ZDBF2: variants seen among roughly 807,000 people sequenced by gnomAD.
ZDBF2 encodes DBF4-type zinc finger-containing protein 2.
ZDBF2 carries 6 observed loss-of-function variants against 9.4 expected under a neutral mutation model. The ratio of observed to expected loss-of-function variants is 0.64; its 90% confidence interval spans 0.35 to 1.27. The LOEUF (loss-of-function observed/expected upper bound fraction) is 1.27. Ranked by LOEUF, ZDBF2 falls within the 50% of genes most tolerant of loss-of-function variation. ZDBF2 has a pLI of 0.03. For missense variants in ZDBF2, 2,697 were observed against 2,766.8 expected, an observed-to-expected ratio of 0.97 and a Z score of 0.57; for synonymous variants, 905 against 946.3, an observed-to-expected ratio of 0.96 and a Z score of 0.80.
intron 1 of ZDBF2, among the ~76,000 whole-genome samples, chr2:206,276,875 C>A (rs938980866): frequency 1.3e-5 from 2 of 152,126 alleles, no homozygotes; most frequent in Non-Finnish European, 2.9e-5. Flanking sequence ...TAATGCTTGT[C>A]ACCAGAGGAA....
At position 206,310,062 on chromosome 2, in the gene ZDBF2, C is replaced by A. The variant is rs1693072495; in HGVS notation, c.5534C>A (p.Ala1845Asp). The A allele has an allele frequency of 6.2e-7, 1 of 1,613,650 alleles. No homozygotes were observed. Among genetic ancestry groups the A allele is most frequent in the South Asian group, 1.1e-5 (1 of 91,022 alleles). Residue 1845 changes from alanine to aspartate, a missense_variant, in exon 5 of 5, where the codon GCT becomes GAT. Physicochemically the swap from Ala to Asp is moderately radical, Grantham distance 126. Coordinates refer to ENST00000374423, the MANE Select transcript of ZDBF2 (RefSeq NM_020923.3). ...AGAGAAGATGACATAAAAATTAATG[C>A]TCTGGTGAAGGAGTTTAGGGAAGGT... is the stretch of plus-strand genomic sequence containing the variant. ...IMREDDIKIN[A>D]LVKEFREGRF...
Position 206,304,765 on chromosome 2 carries a change from G to A in ZDBF2, c.237G>A (p.Val79=), listed in dbSNP as rs766814620. The A allele has an allele frequency of 1.4e-5, 22 of 1,613,372 alleles. No homozygotes were observed. The highest frequency in any genetic ancestry group is 1.7e-4 in the Middle Eastern group (1 of 6,036). Reference sequence around the variant, plus strand: ...TGAATACTGGGTCATCGTCTGAAGTGGTGCATTTGGATGATGCTTTTTCTG... The same window carrying A: ...TGAATACTGGGTCATCGTCTGAAGTAGTGCATTTGGATGATGCTTTTTCTG... ...THVNTGSSSE[V]VHLDDAFSEE... The change falls in exon 5 of 5, where the codon GTG becomes GTA. Residue 79 remains valine (V), a synonymous_variant. Transcript: ENST00000374423.
In ZDBF2 at chr2:206,306,635, C is replaced by T. The variant is rs184921981; in HGVS notation, c.2107C>T (p.Arg703Cys). 5.7e-5 allele frequency: 92 copies of T among 1,613,672 alleles called. No homozygotes were observed. Among genetic ancestry groups the T allele is most frequent in the East Asian group, 4.2e-4 (19 of 44,886 alleles). The change falls in exon 5 of 5, where the codon CGT becomes TGT. Residue 703 changes from arginine (R) to cysteine (C), a missense_variant. By Grantham distance (180) the Arg-to-Cys change is radical (BLOSUM62 -3). Around this residue, in one of 3 missense-constraint regions of ZDBF2, gnomAD observed 910 missense variants for 973.6 expected, o/e 0.93. Coordinates refer to ENST00000374423, the MANE Select transcript of ZDBF2 (RefSeq NM_020923.3). Reference protein sequence around the residue: ...DLENKSVQSSRSSLSSDSPAS... With the variant: ...DLENKSVQSSCSSLSSDSPAS... ...TGAGAATAAGAGTGTTCAGTCTAGC[C>T]GTTCTTCTCTGAGTTCTGATTCTCC...
chr2:206,286,973 T>A (rs1319365813), intron 3 of ZDBF2, among the ~76,000 whole-genome samples: 3 of 152,162 alleles, frequency 2.0e-5, no homozygotes, highest in Non-Finnish European at 4.4e-5. Context: ...TGGTGTTAGG[T>A]CTGACATGGC....
intron 1 of ZDBF2, among the ~76,000 whole-genome samples, chr2:206,278,485 C>A (rs1691143998): frequency 6.6e-6 from 1 of 152,146 alleles, no homozygotes; most frequent in Non-Finnish European, 1.5e-5. Context: ...TCCAAAAAAA[C>A]TTCCACAGTG....
chr2:206,281,478 A>G (rs1691314857), intron 2 of ZDBF2, among the ~76,000 whole-genome samples: 2 of 152,214 alleles, frequency 1.3e-5, no homozygotes, highest in Admixed American at 6.5e-5. Flanking sequence ...TACCATAACA[A>G]TATCTTAGAA....
Position 206,311,428 on chromosome 2 carries a change from C to T in ZDBF2, c.6900C>T (p.Arg2300=), listed in dbSNP as rs1450967326. 10 of 1,610,866 alleles carry T rather than the reference C, an allele frequency of 6.2e-6. No homozygotes were observed. The highest frequency in any genetic ancestry group is 4.0e-5 in the African/African-American group (3 of 74,750). Residue 2300 remains arginine, a synonymous_variant, in exon 5 of 5, where the codon CGC becomes CGT. Transcript: ENST00000374423. ...PPKRPVRASC[R]VARRRKKTDE... ...AGCGACCTGTGCGGGCTTCTTGCCG[C>T]GTTGCAAGAAGGAGGAAGAAGACTG...
At chr2:206,298,714 C>T (rs1209371918) in intron 4 of ZDBF2, among the ~76,000 whole-genome samples, 2 of 151,614 alleles carry the variant, frequency 1.3e-5, no homozygotes, top group Non-Finnish European at 2.9e-5. Flanking sequence ...TTAGTAGAGA[C>T]TGGGTTTTGC....
intron 3 of ZDBF2, among the ~76,000 whole-genome samples, chr2:206,295,550 T>A (rs1469996259): frequency 6.6e-6 from 1 of 151,892 alleles, no homozygotes; most frequent in African/African-American, 2.4e-5. Flanking sequence ...TTTTTTTATT[T>A]TTTAGTAGAG....
chr2:206,297,177 C>T, intron 3 of ZDBF2, 69 bp from the exon 4 acceptor site: 2 of 616,090 alleles, frequency 3.2e-6, no homozygotes, highest in South Asian at 2.2e-5. Flanking sequence ...AGAAATGAAT[C>T]CATTTTGTCG....
At chr2:206,299,965 C>T (rs141866281) in intron 4 of ZDBF2, among the ~76,000 whole-genome samples, 2,595 of 152,076 alleles carry the variant, frequency 0.017, 53 homozygotes, top group African/African-American at 0.043. Flanking sequence ...AAAAATTAGC[C>T]GGGCATGGTG....
chr2:206,302,906 T>C (rs1163420067), intron 4 of ZDBF2, among the ~76,000 whole-genome samples: 1 of 152,130 alleles, frequency 6.6e-6, no homozygotes, highest in East Asian at 1.9e-4. Flanking sequence ...TATTTTTAAT[T>C]GTTATAGGCT....
chr2:206,283,951 C>G (rs2105903755), intron 3 of ZDBF2, among the ~76,000 whole-genome samples: 1 of 152,302 alleles, frequency 6.6e-6, no homozygotes, highest in East Asian at 1.9e-4. Context: ...GTGTGAGCCA[C>G]CACAACTGGC....
At chr2:206,280,473 A>G (rs1436360212) in intron 2 of ZDBF2, among the ~76,000 whole-genome samples, 2 of 152,220 alleles carry the variant, frequency 1.3e-5, no homozygotes, top group African/African-American at 4.8e-5. Flanking sequence ...TTTAAGCTCT[A>G]GGTTCTCTCA....
At position 206,307,963 on chromosome 2, in the gene ZDBF2, T is replaced by A; in HGVS notation, c.3435T>A (p.His1145Gln). ...IKHVNLGNEN[H>Q]MYLEVKNSQY... is the part of the protein sequence containing the mutation. ...ATGTGAACCTTGGGAATGAAAACCA[T>A]ATGTACTTGGAAGTTAAGAACAGCC... The change falls in exon 5 of 5, where the codon CAT becomes CAA. Residue 1145 changes from histidine (H) to glutamine (Q), a missense_variant. Physicochemically the swap from His to Gln is conservative, Grantham distance 24 (BLOSUM62 0). Coordinates refer to ENST00000374423, the MANE Select transcript of ZDBF2 (RefSeq NM_020923.3). 6.2e-7 allele frequency: 1 copy of A among 1,613,714 alleles called. No homozygotes were observed.
intron 3 of ZDBF2, among the ~76,000 whole-genome samples, chr2:206,294,755 T>A (rs1238732907): frequency 6.6e-6 from 1 of 152,228 alleles, no homozygotes; most frequent in African/African-American, 2.4e-5. Flanking sequence ...TATTTGGTTT[T>A]CTGTTCCTGT....
chr2:206,276,962 A>G (rs1055241058), intron 1 of ZDBF2, among the ~76,000 whole-genome samples: 1 of 152,166 alleles, frequency 6.6e-6, no homozygotes, highest in Admixed American at 6.5e-5. Flanking sequence ...CTGACACTGA[A>G]TTAGTGTGGT....
chr2:206,306,148 T>G lies in ZDBF2; in HGVS notation c.1620T>G (p.Ala540=). The G allele has an allele frequency of 6.2e-7, 1 of 1,613,850 alleles. No homozygotes were observed. Among genetic ancestry groups the G allele is most frequent in the Non-Finnish European group, 8.5e-7 (1 of 1,179,826 alleles). ...GTTCCAGTAGCTCTGAAGTAAGTGC[T>G]GATTCTGTTTTCCCACTGCAGTCAG... ...NYGSSSSEVS[A]DSVFPLQSVV... Residue 540 remains alanine, a synonymous_variant, in exon 5 of 5, where the codon GCT becomes GCG. Transcript: ENST00000374423.
In ZDBF2 at chr2:206,310,138, G is replaced by A. The variant is rs371234196; in HGVS notation, c.5610G>A (p.Ser1870=). ...ACTGTGAGACCAAAAAAGTTTCTTC[G>A]AAGGGGAAAAAAAAGGTTACCTGGG... The part of the protein sequence containing the change: ...DDDCETKKVS[S]KGKKKVTWAD... The change falls in exon 5 of 5, where the codon TCG becomes TCA. Residue 1870 remains serine, a synonymous_variant. Transcript: ENST00000374423. 74 of 1,612,636 alleles carry A rather than the reference G, an allele frequency of 4.6e-5. 1 individual carries two copies. The highest frequency in any genetic ancestry group is 4.2e-4 in the South Asian group (38 of 90,846).
Sources: allele counts gnomAD v4.1 joint callset (sites outside exome capture counted in the v4.1 genomes callset), GRCh38; gene constraint gnomAD v4.1.1; regional missense constraint gnomAD v4.1.1; transcripts MANE v1.5; gene names NCBI Gene and HGNC (gene_info 2026-07-23, HGNC 2026-07-21).